Variants in CPT1A observed in about 807,000 individuals in gnomAD.
The protein encoded by CPT1A is carnitine palmitoyltransferase 1A.
In CPT1A, 64 loss-of-function variants were observed where a neutral mutation model predicts 100.8. That is an observed-to-expected ratio of 0.63 (90% CI 0.52 to 0.78). The LOEUF (loss-of-function observed/expected upper bound fraction) is 0.78. Ranked by LOEUF, CPT1A falls within the 30% of genes least tolerant of loss-of-function variation. CPT1A has a pLI of 0.00. For synonymous variants in CPT1A, 363 were observed against 396.0 expected, an observed-to-expected ratio of 0.92 and a Z score of 0.99; for missense variants, 802 against 1,034.1, an observed-to-expected ratio of 0.78 and a Z score of 3.08.
At chr11:68,805,281 C>A (rs1289167582) in intron 4 of CPT1A, among the ~76,000 whole-genome samples, 2 of 151,960 alleles carry the variant, frequency 1.3e-5, no homozygotes, top group Non-Finnish European at 2.9e-5. Context: ...GAAACCCTGT[C>A]TCTATTAAAA....
At chr11:68,765,754 G>C (rs1349456885) in intron 14 of CPT1A, among the ~76,000 whole-genome samples, 1 of 152,166 alleles carries the variant, frequency 6.6e-6, no homozygotes, top group African/African-American at 2.4e-5. Context: ...TGCCCTCAAT[G>C]AGCAAACATT....
chr11:68,754,773 C>T (rs1165969183), downstream of CPT1A: 3 of 780,530 alleles, frequency 3.8e-6, no homozygotes, highest in African/African-American at 5.1e-5. Flanking sequence ...CCATGGTCTC[C>T]TCCAAGGCCT....
chr11:68,841,693 C>T lies in CPT1A; in HGVS notation c.-14+82G>A. On this transcript the variant is annotated intron_variant, in intron 1 of 18. Transcript: ENST00000265641. The surrounding 1 kb of genome is among the most constrained non-coding windows in gnomAD (Gnocchi z 6.3). ...CCCCACCCGGTCCGGTTCCCGGCAG[C>T]CCCGCGCCCCGCCCGTCCCCGGCCC... The T allele has an allele frequency of 1.3e-6, 1 of 767,862 alleles. No homozygotes were observed. The highest frequency in any genetic ancestry group is 1.9e-5 in the African/African-American group (1 of 52,862). The allele number at this position is 767,862 out of a possible 1,614,324, so 47.6% of individuals were successfully genotyped here.
At chr11:68,769,387 C>T (rs2153996233) in intron 14 of CPT1A, among the ~76,000 whole-genome samples, 1 of 151,898 alleles carries the variant, frequency 6.6e-6, no homozygotes, top group East Asian at 1.9e-4. Flanking sequence ...CAGGCATGCG[C>T]CACCATGCTG....
At chr11:68,836,121 T>C (rs1387223467) in intron 1 of CPT1A, among the ~76,000 whole-genome samples, 1 of 152,198 alleles carries the variant, frequency 6.6e-6, no homozygotes, top group Non-Finnish European at 1.5e-5. Context: ...TCTGTGGTTG[T>C]ATTTTGTGCA....
intron 9 of CPT1A, among the ~76,000 whole-genome samples, chr11:68,789,337 G>A (rs1336253099): frequency 1.3e-5 from 2 of 152,096 alleles, no homozygotes; most frequent in African/African-American, 4.8e-5. Context: ...GAGAAAGTGG[G>A]TGGGGCTTTG....
chr11:68,793,745 CAAA>C (rs1289830613), intron 8 of CPT1A, among the ~76,000 whole-genome samples: 9 of 66,190 alleles, frequency 1.4e-4, no homozygotes, highest in Admixed American at 3.6e-4. Flanking sequence ...GACTCTGTCT[CAAA>C]AAAAAAAAAA....
intron 5 of CPT1A, among the ~76,000 whole-genome samples, chr11:68,801,094 G>A (rs937224776): frequency 6.6e-6 from 1 of 152,178 alleles, no homozygotes; most frequent in Admixed American, 6.5e-5. Context: ...GGGCAAGAGA[G>A]TGAGACTCTG....
chr11:68,759,794 G>T, intron 17 of CPT1A, 133 bp from the exon 18 acceptor site: 1 of 735,050 alleles, frequency 1.4e-6, no homozygotes, highest in Non-Finnish European at 2.5e-6. Context: ...TTGGGAGGCT[G>T]AGGCAGGCGG....
chr11:68,816,893 G>GTCT, intron 1 of CPT1A, among the ~76,000 whole-genome samples: 1 of 100,142 alleles, frequency 1.0e-5, no homozygotes, highest in Non-Finnish European at 2.2e-5. Context: ...ATGTGTGTGT[G>GTCT]GTGTGTGTGG....
intron 10 of CPT1A, among the ~76,000 whole-genome samples, chr11:68,782,652 G>A (rs1356067297): frequency 1.3e-5 from 2 of 152,070 alleles, no homozygotes; most frequent in African/African-American, 2.4e-5. Flanking sequence ...GAGTGCTCCC[G>A]GGTCCCTCTC....
upstream of CPT1A, among the ~76,000 whole-genome samples, chr11:68,842,787 G>T (rs1359896374): frequency 6.6e-6 from 1 of 151,992 alleles, no homozygotes; most frequent in Non-Finnish European, 1.5e-5. Context: ...CGCAGCTGCA[G>T]GGGACCCAGG....
intron 9 of CPT1A, among the ~76,000 whole-genome samples, chr11:68,792,115 G>A (rs894004083): frequency 6.6e-6 from 1 of 151,958 alleles, no homozygotes; most frequent in Admixed American, 6.6e-5. Context: ...GAGGTGGGAC[G>A]ATCACGAGGT....
chr11:68,807,568 G>C lies in CPT1A; in HGVS notation c.352C>G (p.Leu118Val). 6.2e-7 allele frequency: 1 copy of C among 1,614,158 alleles called. No individual in the cohort carries two copies. The highest frequency in any genetic ancestry group is 8.5e-7 in the Non-Finnish European group (1 of 1,180,030). ...VLFGTGLWVA[L>V]IVTMRYSLKV... ...AGGGAGTAGCGCATGGTGACGATGA[G>C]GGCCACCCACAGGCCGGTGCCAAAC... Residue 118 changes from leucine (L) to valine (V), a missense_variant, in exon 4 of 19, where the codon CTC becomes GTC. By Grantham distance (32) the Leu-to-Val change is conservative. Transcript: ENST00000265641.
intron 2 of CPT1A, among the ~76,000 whole-genome samples, chr11:68,814,725 T>C (rs1219356354): frequency 6.6e-6 from 1 of 150,706 alleles, no homozygotes; most frequent in African/African-American, 2.4e-5. Flanking sequence ...CTCGCTCTGT[T>C]GCCCAGGCTG....
intron 1 of CPT1A, among the ~76,000 whole-genome samples, chr11:68,828,217 G>T (rs1159434713): frequency 6.6e-6 from 1 of 152,116 alleles, no homozygotes; most frequent in Non-Finnish European, 1.5e-5. Context: ...ATCTCCCTGT[G>T]TCTCCCAAGT....
At chr11:68,788,656 C>CAAAAAAAAAAAAAA (rs1212944463) in intron 9 of CPT1A, among the ~76,000 whole-genome samples, 1 of 41,784 alleles carries the variant, frequency 2.4e-5, no homozygotes, top group African/African-American at 7.8e-5. Flanking sequence ...AAAAAAAAAG[C>CAAAAAAAAAAAAAA]AGAATGTCTG....
intron 12 of CPT1A, among the ~76,000 whole-genome samples, chr11:68,779,576 C>A (rs911620469): frequency 6.7e-6 from 1 of 150,128 alleles, no homozygotes; most frequent in Non-Finnish European, 1.5e-5. Flanking sequence ...CAGGCAGATC[C>A]CCTGTGCCCA....
chr11:68,806,575 C>A (rs12802903), intron 4 of CPT1A, among the ~76,000 whole-genome samples: 12,414 of 151,124 alleles, frequency 0.082, 677 homozygotes, highest in Non-Finnish European at 0.12. Context: ...CTGCAGTGAG[C>A]CGTGATGGTG....
Sources: gnomAD v4.1 joint callset for allele counts (sites outside exome capture counted in the v4.1 genomes callset) on GRCh38, gnomAD v4.1.1 for gene constraint, Gnocchi (gnomAD v3.1) non-coding constraint, MANE v1.5 for transcripts, NCBI Gene and HGNC (gene_info 2026-07-23, HGNC 2026-07-21) for gene names.